The following ASB18 variants were observed in gnomAD, a reference collection of about 807,000 sequenced individuals.
ASB18 encodes ankyrin repeat and SOCS box containing 18.
Under a neutral mutation model 33.4 loss-of-function variants are expected in ASB18, and 33 were observed. The ratio of observed to expected loss-of-function variants is 0.99; its 90% CI spans 0.75 to 1.32. The LOEUF is 1.32. Among genes scored for constraint, ASB18 ranks in the 40% most tolerant of loss-of-function variants. The probability of loss-of-function intolerance (pLI) is 0.00; values close to 1 mark genes in which losing one functional copy is unlikely to be tolerated. For synonymous variants in ASB18, 295 were observed against 307.6 expected (o/e 0.96, Z 0.43); for missense variants, 694 against 655.5 (o/e 1.06, Z -0.64).
rs1268203154 is a variant in ASB18 at position 236,237,637 on chromosome 2, C to G, written c.596+52G>C. The G allele has an allele frequency of 1.6e-6, 2 of 1,255,782 alleles. No homozygotes were observed. The highest frequency in any genetic ancestry group is 2.0e-6 in the Non-Finnish European group (2 of 1,000,900). The allele number at this position is 1,255,782 out of a possible 1,614,324, so 77.8% of individuals were successfully genotyped here. On this transcript the variant is annotated intron_variant, in intron 3 of 5. Coordinates refer to ENST00000409749, the MANE Select transcript of ASB18 (RefSeq NM_212556.4). This position sits in a 1 kb window ranked among gnomAD's most constrained non-coding sequence, Gnocchi z 6.2. ...CGGCGGTCTCGTGGGGGGAGGCGGG[C>G]GTCTGGTCTCGGGGCGGGGCGGACG... is the stretch of plus-strand genomic sequence containing the variant.
intron 4 of ASB18, among the ~76,000 whole-genome samples, chr2:236,206,967 T>A (rs2060437176): frequency 6.6e-6 from 1 of 152,186 alleles, no homozygotes; most frequent in East Asian, 1.9e-4. Flanking sequence ...TGGGTGTTGG[T>A]GTCACAGAGA....
chr2:236,261,610 A>G (rs2106288221), intron 1 of ASB18, among the ~76,000 whole-genome samples: 1 of 152,332 alleles, frequency 6.6e-6, no homozygotes, highest in African/African-American at 2.4e-5. Context: ...CACTTTAAAC[A>G]TGTCATTAGT....
intron 3 of ASB18, among the ~76,000 whole-genome samples, chr2:236,227,399 C>T (rs1291596296): frequency 6.6e-6 from 1 of 152,184 alleles, no homozygotes; most frequent in Non-Finnish European, 1.5e-5. Flanking sequence ...TTGCAGTCAG[C>T]ACCTGCTCCT....
At chr2:236,242,384 G>T (rs2060625153) in intron 1 of ASB18, among the ~76,000 whole-genome samples, 1 of 152,146 alleles carries the variant, frequency 6.6e-6, no homozygotes, top group Non-Finnish European at 1.5e-5. Context: ...CTACTCTCAG[G>T]GTGATAGGGC....
At position 236,239,235 on chromosome 2, in the gene ASB18, G is replaced by A. The variant is rs2060610153; in HGVS notation, c.329-1279C>T. 6.6e-6 allele frequency among the ~76,000 whole-genome samples: 1 copy of A among 152,200 alleles called. No individual in the cohort carries two copies. Among genetic ancestry groups the A allele is most frequent in the South Asian group, 2.1e-4 (1 of 4,832 alleles). On this transcript the variant is annotated intron_variant, in intron 2 of 5. Transcript: ENST00000409749. The surrounding 1 kb of genome is among the most constrained non-coding windows in gnomAD (Gnocchi z 5.6). ...TTTGATTCGATTTGTTTTTCTGAGA[G>A]ATGAAAACTACTTACTGCCTTCTCT... is the stretch of plus-strand genomic sequence containing the variant.
chr2:236,214,373 C>T lies in ASB18; in HGVS notation c.1090G>A (p.Ala364Thr), dbSNP rs745755389. ...NHGSPTVWPD[A>T]FPKVLKTCAS... is the part of the protein sequence containing the mutation. ...GGATCCTGCCTTACCTTGGGGAAGGCGTCGGGCCACACGGTGGGAGAGCCG... is the reference window on the plus strand; with the variant it reads ...GGATCCTGCCTTACCTTGGGGAAGGTGTCGGGCCACACGGTGGGAGAGCCG... The change falls in exon 4 of 6, where the codon GCC (alanine) becomes ACC (threonine). Residue 364 changes from alanine (A) to threonine (T), a missense_variant. By Grantham distance (58) the Ala-to-Thr change is moderately conservative. Transcript: ENST00000409749. The surrounding 1 kb of genome is among the most constrained non-coding windows in gnomAD (Gnocchi z 6.5). 2.8e-5 allele frequency: 44 copies of T among 1,574,728 alleles called. No individual in the cohort carries two copies. Among genetic ancestry groups the T allele is most frequent in the Non-Finnish European group, 3.6e-5 (42 of 1,164,470 alleles).
Position 236,237,760 on chromosome 2 carries a change from G to A in ASB18, c.525C>T (p.Arg175=). Residue 175 remains arginine, a synonymous_variant, in exon 3 of 6, where the codon CGC becomes CGT. Transcript: ENST00000409749. The surrounding 1 kb of genome is among the most constrained non-coding windows in gnomAD (Gnocchi z 6.2). ...CGGCGCTGAGCAGGTCGGGGTCGGCGCGGTGCTGCAGCAGCAGGCGGACGC... is the reference window on the plus strand; with the variant it reads ...CGGCGCTGAGCAGGTCGGGGTCGGCACGGTGCTGCAGCAGCAGGCGGACGC... The part of the protein sequence containing the change: ...TACVRLLLQH[R]ADPDLLSAEG... 1 of 1,454,844 alleles carries A rather than the reference G, an allele frequency of 6.9e-7. No individual in the cohort carries two copies. 90.1% of individuals were successfully genotyped at this position (1,454,844 alleles called of 1,614,324 possible). A position where few individuals can be genotyped will look rare whatever the true frequency, so the allele number is the denominator to read the frequency against.
Position 236,215,955 on chromosome 2 carries a change from C to T in ASB18, c.597-1089G>A, listed in dbSNP as rs6719368. Among the ~76,000 whole-genome samples, 4,340 of 152,222 alleles carry T rather than the reference C, an allele frequency of 0.029. 189 individuals carry two copies. Among genetic ancestry groups the T allele is most frequent in the African/African-American group, 0.092 (3,837 of 41,514 alleles). Reference sequence around the variant, plus strand: ...ATCTTTGCTCTATGGAGACCTGAGCCCTGGACCTCTCGTTTCTCTCTACCC... The same window carrying T: ...ATCTTTGCTCTATGGAGACCTGAGCTCTGGACCTCTCGTTTCTCTCTACCC... On this transcript the variant is annotated intron_variant, in intron 3 of 5. Transcript: ENST00000409749. This position sits in a 1 kb window ranked among gnomAD's most constrained non-coding sequence, Gnocchi z 7.2.
intron 2 of ASB18, among the ~76,000 whole-genome samples, chr2:236,240,720 C>T (rs1006296967): frequency 6.6e-6 from 1 of 152,208 alleles, no homozygotes; most frequent in African/African-American, 2.4e-5. Context: ...GCAGCAAGAG[C>T]ACCTGCAGAC....
chr2:236,232,861 A>C (rs1380913953), intron 3 of ASB18, among the ~76,000 whole-genome samples: 1 of 152,118 alleles, frequency 6.6e-6, no homozygotes, highest in African/African-American at 2.4e-5. Flanking sequence ...CATTTAAGGA[A>C]GACATAATTT....
At chr2:236,246,827 C>T (rs571595816) in intron 1 of ASB18, among the ~76,000 whole-genome samples, 1 of 152,230 alleles carries the variant, frequency 6.6e-6, no homozygotes, top group East Asian at 1.9e-4. Flanking sequence ...GCCATTTTGC[C>T]ATTTTATTTT....
rs764756347 is a variant in ASB18, at chr2:236,211,477, G to A, written c.1101+2885C>T. ...GAGCTGTGATTTATGTCATAAGCTC[G>A]CTGTGAAACCTTTTGCCTCGGTAAT... On this transcript the variant is annotated intron_variant, in intron 4 of 5. Transcript: ENST00000409749. The surrounding 1 kb of genome is among the most constrained non-coding windows in gnomAD (Gnocchi z 5.0). 2.0e-5 allele frequency among the ~76,000 whole-genome samples: 3 copies of A among 152,262 alleles called. No homozygotes were observed. The highest frequency in any genetic ancestry group is 6.5e-5 in the Admixed American group (1 of 15,288).
Position 236,214,801 on chromosome 2 carries a change from G to A in ASB18, c.662C>T (p.Thr221Met). ...GCGCTGCGCCGCCACGTGCAGCGGC[G>A]TGTCCCGGCCCGTGCCGCCCACGCG... ...VQRVGGTGRD[T>M]PLHVAAQRGL... The change falls in exon 4 of 6, where the codon ACG becomes ATG. Residue 221 changes from threonine (T) to methionine (M), a missense_variant. Coordinates refer to ENST00000409749, the MANE Select transcript of ASB18 (RefSeq NM_212556.4). This position sits in a 1 kb window ranked among gnomAD's most constrained non-coding sequence, Gnocchi z 6.5. The A allele has an allele frequency of 1.7e-6, 2 of 1,209,946 alleles. No homozygotes were observed. The highest frequency in any genetic ancestry group is 3.6e-5 in the South Asian group (1 of 27,842). 75.0% of individuals were successfully genotyped at this position (1,209,946 alleles called of 1,614,324 possible).
intron 3 of ASB18, among the ~76,000 whole-genome samples, chr2:236,232,302 C>T (rs115463030): frequency 0.011 from 1,723 of 150,086 alleles, 24 homozygotes; most frequent in African/African-American, 0.04. Context: ...TAAAACTGAT[C>T]GAAAGTAAAA....
In ASB18 at chr2:236,231,593, GA is replaced by G. The variant is rs2060565608; in HGVS notation, c.596+6095del. On this transcript the variant is annotated intron_variant, in intron 3 of 5. Coordinates refer to ENST00000409749, the MANE Select transcript of ASB18 (RefSeq NM_212556.4). The surrounding 1 kb of genome is among the most constrained non-coding windows in gnomAD (Gnocchi z 5.5). ...GACTTCCCAGCCTCCAGGACTGTGA[GA>G]AATACATTTTTATTATCATCACCCC... Among the ~76,000 whole-genome samples, 1 of 152,134 alleles carries G rather than the reference GA, an allele frequency of 6.6e-6. No homozygotes were observed. Among genetic ancestry groups the G allele is most frequent in the Non-Finnish European group, 1.5e-5 (1 of 68,034 alleles).
At chr2:236,243,295 A>G (rs1278028830) in intron 1 of ASB18, among the ~76,000 whole-genome samples, 2 of 147,046 alleles carry the variant, frequency 1.4e-5, no homozygotes, top group Admixed American at 6.9e-5. Flanking sequence ...GTGCCACTGC[A>G]CTCCAGCCTG....
rs1464688200 is a variant in ASB18 at position 236,251,139 on chromosome 2, C to T, written c.206-9737G>A. The stretch of plus-strand genomic sequence containing the variant: ...AGTCACTTCTCATTATTAATGTGAT[C>T]TTATCCAAAGGTCAAGTGCCGCTTT... On this transcript the variant is annotated intron_variant, in intron 1 of 5. Transcript: ENST00000409749. This position sits in a 1 kb window ranked among gnomAD's most constrained non-coding sequence, Gnocchi z 5.3. Among the ~76,000 whole-genome samples, 1 of 152,206 alleles carries T rather than the reference C, an allele frequency of 6.6e-6. No individual in the cohort carries two copies. Among genetic ancestry groups the T allele is most frequent in the African/African-American group, 2.4e-5 (1 of 41,454 alleles).
rs762006385 is a variant in ASB18, at chr2:236,229,473, A to C, written c.596+8216T>G. Among the ~76,000 whole-genome samples the C allele has an allele frequency of 3.9e-5, 6 of 152,142 alleles. No individual in the cohort carries two copies. Among genetic ancestry groups the C allele is most frequent in the Non-Finnish European group, 7.4e-5 (5 of 68,022 alleles). ...AAAAATGTGAAGAAATAATTGCCAA[A>C]ATATTTCCAAATTGGATGAAAAGCA... On this transcript the variant is annotated intron_variant, in intron 3 of 5. Coordinates refer to ENST00000409749, the MANE Select transcript of ASB18 (RefSeq NM_212556.4). This position sits in a 1 kb window ranked among gnomAD's most constrained non-coding sequence, Gnocchi z 5.2.
chr2:236,237,934 CTT>C lies in ASB18; in HGVS notation c.349_350del (p.Lys117AlafsTer2). On this transcript the variant is annotated frameshift_variant, in exon 3 of 6. Coordinates refer to ENST00000409749, the MANE Select transcript of ASB18 (RefSeq NM_212556.4). LOFTEE classifies it high-confidence loss of function. This position sits in a 1 kb window ranked among gnomAD's most constrained non-coding sequence, Gnocchi z 6.2. ...TGCACAGGGGCGTGGTGAGCTCACG[CTT>C]GTACTCCAGGGTCCAGAGGCCTGCG... is the stretch of plus-strand genomic sequence containing the variant. Reference protein sequence around the residue: ...GLSGLWTLEYKRELTTPLCIA... With the variant: ...GLSGLWTLEYXRELTTPLCIA... 6.6e-7 allele frequency: 1 copy of C among 1,505,416 alleles called. No individual in the cohort carries two copies. The highest frequency in any genetic ancestry group is 8.8e-7 in the Non-Finnish European group (1 of 1,133,360). The allele number at this position is 1,505,416 out of a possible 1,614,324, so 93.3% of individuals were successfully genotyped here. A position where few individuals can be genotyped will look rare whatever the true frequency, so the allele number is the denominator to read the frequency against.
Sources: gnomAD v4.1 joint callset for allele counts (sites outside exome capture counted in the v4.1 genomes callset) on GRCh38, gnomAD v4.1.1 for gene constraint, Gnocchi (gnomAD v3.1) non-coding constraint, MANE v1.5 for transcripts, NCBI Gene and HGNC (gene_info 2026-07-23, HGNC 2026-07-21) for gene names.